Variants in VPS13B observed in about 807,000 individuals in gnomAD.
The protein encoded by VPS13B is intermembrane lipid transfer protein VPS13B.
In VPS13B, 285 loss-of-function variants were observed where a neutral mutation model predicts 426.4. That is an observed-to-expected ratio of 0.67 (90% CI 0.61 to 0.74). VPS13B has a LOEUF of 0.74. Ranked by LOEUF, VPS13B falls within the 30% of genes least tolerant of loss-of-function variation. The pLI, the probability that VPS13B is intolerant of heterozygous loss-of-function variation, is 0.00. For missense variants in VPS13B, 4,537 were observed against 4,782.6 expected (o/e 0.95, Z 1.51); for synonymous variants, 1,676 against 1,676.4 (o/e 1.00, Z 0.01).
chr8:99,481,540 G>T, intron 24 of VPS13B, 59 bp from the exon 25 acceptor site: 1 of 1,531,854 alleles, frequency 6.5e-7, no homozygotes, highest in Non-Finnish European at 9.0e-7. Flanking sequence ...TATTATTTTA[G>T]TGGATTGAAA....
At chr8:99,405,865 C>T (rs541269735) in intron 21 of VPS13B, among the ~76,000 whole-genome samples, 2 of 151,514 alleles carry the variant, frequency 1.3e-5, no homozygotes, top group Non-Finnish European at 2.9e-5. Context: ...TGCAACTTCC[C>T]ACCTCCCAGT....
chr8:99,645,981 T>C (rs757625408), intron 34 of VPS13B, among the ~76,000 whole-genome samples: 3 of 152,140 alleles, frequency 2.0e-5, no homozygotes, highest in Non-Finnish European at 4.4e-5. Context: ...GCTATAATGC[T>C]AACTTTCATG....
chr8:99,820,106 T>G lies in VPS13B; in HGVS notation c.8978T>G (p.Ile2993Ser). 6.2e-7 allele frequency: 1 copy of G among 1,613,830 alleles called. No homozygotes were observed. The highest frequency in any genetic ancestry group is 8.5e-7 in the Non-Finnish European group (1 of 1,179,782). Residue 2993 changes from isoleucine to serine, a missense_variant, in exon 49 of 62, where the codon ATT becomes AGT. Physicochemically the swap from Ile to Ser is moderately radical, Grantham distance 142. This residue lies in a region of VPS13B where 4,311 missense variants were observed against 4,474.3 expected (regional missense o/e 0.96). Coordinates refer to ENST00000357162, the MANE Select transcript of VPS13B (RefSeq NM_152564.5). Reference protein sequence around the residue: ...VLQVPAGKIIIPPNFQEAFQI... With the variant: ...VLQVPAGKIISPPNFQEAFQI... Reference sequence around the variant, plus strand: ...CAGGTTCCTGCTGGCAAAATTATTATTCCTCCTAATTTTCAGGTACTATAA... The same window carrying G: ...CAGGTTCCTGCTGGCAAAATTATTAGTCCTCCTAATTTTCAGGTACTATAA...
intron 36 of VPS13B, among the ~76,000 whole-genome samples, chr8:99,704,537 A>G (rs957701252): frequency 6.6e-6 from 1 of 152,188 alleles, no homozygotes; most frequent in Non-Finnish European, 1.5e-5. Flanking sequence ...ACAGCACCCC[A>G]AAGACTTTTG....
intron 56 of VPS13B, among the ~76,000 whole-genome samples, chr8:99,856,124 C>T (rs1462009115): frequency 3.9e-5 from 6 of 152,224 alleles, no homozygotes; most frequent in Non-Finnish European, 8.8e-5. Flanking sequence ...TAAAAACGAG[C>T]TCTCTTTGTT....
intron 19 of VPS13B, among the ~76,000 whole-genome samples, chr8:99,302,512 A>ATT (rs564465033): frequency 6.7e-6 from 1 of 148,192 alleles, no homozygotes; most frequent in Non-Finnish European, 1.5e-5. Flanking sequence ...TACTCTATTG[A>ATT]TTTTTTTTTT....
At chr8:99,857,317 A>G (rs866303985) in intron 56 of VPS13B, among the ~76,000 whole-genome samples, 1 of 152,168 alleles carries the variant, frequency 6.6e-6, no homozygotes, top group Non-Finnish European at 1.5e-5. Flanking sequence ...CGTGGGGGAC[A>G]CTGCTTGGCC....
intron 21 of VPS13B, among the ~76,000 whole-genome samples, chr8:99,393,952 AAT>A (rs1176386790): frequency 1.3e-5 from 2 of 152,130 alleles, no homozygotes; most frequent in Non-Finnish European, 2.9e-5. Flanking sequence ...TGTAGTTATC[AAT>A]CACTGTTTTA....
intron 17 of VPS13B, among the ~76,000 whole-genome samples, chr8:99,227,279 C>G (rs1816068060): frequency 6.6e-6 from 1 of 152,100 alleles, no homozygotes; most frequent in Admixed American, 6.6e-5. Context: ...CTCCCTGTTT[C>G]TTTCCTTGGT....
intron 16 of VPS13B, among the ~76,000 whole-genome samples, chr8:99,190,682 A>T (rs1813514485): frequency 6.6e-6 from 1 of 152,170 alleles, no homozygotes; most frequent in Admixed American, 6.5e-5. Context: ...TACATTGTGT[A>T]AGAACCTCCA....
intron 57 of VPS13B, among the ~76,000 whole-genome samples, 190 bp from the exon 58 acceptor site, chr8:99,861,586 G>A (rs1816836649): frequency 6.6e-6 from 1 of 152,230 alleles, no homozygotes; most frequent in Non-Finnish European, 1.5e-5. Flanking sequence ...ACAGGCGTGA[G>A]CCACCACCCC....
Position 99,832,584 on chromosome 8 carries a change from A to G in VPS13B, c.9546A>G (p.Arg3182=), listed in dbSNP as rs1434707847. Residue 3182 remains arginine, a synonymous_variant, in exon 52 of 62, where the codon AGA becomes AGG. Transcript: ENST00000357162. The part of the protein sequence containing the change: ...SQCWSLPAIV[R]PEFPRQSVAV... ...GCTGGAGCCTGCCAGCTATAGTTAG[A>G]CCAGAGTTTCCCAGACAGAGTGTGG... 5.6e-6 allele frequency: 9 copies of G among 1,613,694 alleles called. No individual in the cohort carries two copies. Among genetic ancestry groups the G allele is most frequent in the African/African-American group, 1.3e-5 (1 of 74,798 alleles).
intron 19 of VPS13B, among the ~76,000 whole-genome samples, chr8:99,283,588 C>G (rs1819275777): frequency 1.3e-5 from 2 of 152,122 alleles, no homozygotes; most frequent in African/African-American, 2.4e-5. Context: ...GTTCTCCAGT[C>G]CAAGCCCTTT....
At chr8:99,674,511 T>A (rs565291363) in intron 35 of VPS13B, among the ~76,000 whole-genome samples, 2 of 152,188 alleles carry the variant, frequency 1.3e-5, no homozygotes, top group Admixed American at 1.3e-4. Flanking sequence ...TAGTTGGGTG[T>A]GTTTTTATAA....
intron 30 of VPS13B, among the ~76,000 whole-genome samples, chr8:99,523,029 A>T (rs962891912): frequency 6.6e-6 from 1 of 152,192 alleles, no homozygotes; most frequent in South Asian, 2.1e-4. Context: ...AGTGAACTAG[A>T]TGCAAAAGTC....
At chr8:99,792,756 T>C (rs1812614492) in intron 43 of VPS13B, among the ~76,000 whole-genome samples, 1 of 152,184 alleles carries the variant, frequency 6.6e-6, no homozygotes. Flanking sequence ...CAGATCAGAA[T>C]GCAGCCAACT....
chr8:99,396,515 T>C lies in VPS13B; in HGVS notation c.3082+4811T>C, dbSNP rs140546325. On this transcript the variant is annotated intron_variant, in intron 21 of 61. Coordinates refer to ENST00000357162, the MANE Select transcript of VPS13B (RefSeq NM_152564.5). ...TCCTTCTTCCACTCTGAATATTTCC[T>C]GCTTTCTTTCTTTCATGGCATTGGC... 6.1e-3 allele frequency among the ~76,000 whole-genome samples: 927 copies of C among 152,348 alleles called. 13 individuals are homozygous for C. Among genetic ancestry groups the C allele is most frequent in the African/African-American group, 0.021 (883 of 41,584 alleles).
At chr8:99,329,925 A>G (rs1810467621) in intron 19 of VPS13B, among the ~76,000 whole-genome samples, 1 of 152,004 alleles carries the variant, frequency 6.6e-6, no homozygotes, top group Admixed American at 6.6e-5. Flanking sequence ...GATATTCTGT[A>G]GTATCCCTGA....
At chr8:99,840,501 TAATA>T (rs1435430849) in intron 54 of VPS13B, among the ~76,000 whole-genome samples, 1 of 152,202 alleles carries the variant, frequency 6.6e-6, no homozygotes, top group African/African-American at 2.4e-5. Context: ...TCCAGGTCAT[TAATA>T]AATATGTTGA....
Sources: allele counts gnomAD v4.1 joint callset (sites outside exome capture counted in the v4.1 genomes callset), GRCh38; gene constraint gnomAD v4.1.1; regional missense constraint gnomAD v4.1.1; transcripts MANE v1.5; gene names NCBI Gene and HGNC (gene_info 2026-07-23, HGNC 2026-07-21).